MAN1A2: variants seen among roughly 807,000 people sequenced by gnomAD.
The protein encoded by MAN1A2 is mannosidase alpha class 1A member 2, also known as mannosyl-oligosaccharide 1,2-alpha-mannosidase IB.
MAN1A2 carries 26 observed loss-of-function variants against 75.7 expected under a neutral mutation model. The ratio of observed to expected loss-of-function variants is 0.34; its 90% CI spans 0.25 to 0.48. The LOEUF (loss-of-function observed/expected upper bound fraction) is 0.48. Among genes scored for constraint, MAN1A2 ranks in the 20% least tolerant of loss-of-function variants. The probability of loss-of-function intolerance (pLI) is 0.99; values close to 1 mark genes in which losing one functional copy is unlikely to be tolerated. For synonymous variants in MAN1A2, 247 were observed against 264.6 expected, an observed-to-expected ratio of 0.93 and a Z score of 0.65; for missense variants, 562 against 775.5, an observed-to-expected ratio of 0.72 and a Z score of 3.27.
chr1:117,434,108 A>G lies in MAN1A2; in HGVS notation c.856-8123A>G, dbSNP rs529218810. Among the ~76,000 whole-genome samples the G allele has an allele frequency of 4.6e-5, 7 of 152,280 alleles. No individual in the cohort carries two copies. In the South Asian group the frequency reaches 1.5e-3, roughly 32 times the overall value. On this transcript the variant is annotated intron_variant, in intron 5 of 12. Transcript: ENST00000356554. ...GTAAAAGAGATTATCTGAGGGATCT[A>G]TTTACTATTTCCTAAGATTCTCCAG...
intron 8 of MAN1A2, among the ~76,000 whole-genome samples, chr1:117,484,996 C>G (rs796521791): frequency 6.6e-5 from 10 of 151,900 alleles, no homozygotes; most frequent in African/African-American, 2.2e-4. Context: ...TAAGTGGATC[C>G]ACGCAGTTCA....
chr1:117,374,229 C>T (rs554369313), intron 1 of MAN1A2, among the ~76,000 whole-genome samples: 73 of 151,942 alleles, frequency 4.8e-4, no homozygotes, highest in African/African-American at 1.4e-3. Context: ...CCCAGGAGTT[C>T]GAGGGTGTAG....
At chr1:117,522,776 T>C in intron 12 of MAN1A2, 49 bp from the exon 13 acceptor site, 1 of 1,569,114 alleles carries the variant, frequency 6.4e-7, no homozygotes, top group Non-Finnish European at 8.7e-7. Flanking sequence ...TCACTTCATG[T>C]TCTTGTTGAA....
At chr1:117,459,618 C>T (rs1224099372) in intron 6 of MAN1A2, among the ~76,000 whole-genome samples, 1 of 152,102 alleles carries the variant, frequency 6.6e-6, no homozygotes, top group East Asian at 1.9e-4. Context: ...AAAGCCTCTA[C>T]AATTTTTCAT....
chr1:117,422,501 A>G (rs957434774), intron 5 of MAN1A2, among the ~76,000 whole-genome samples: 1 of 152,120 alleles, frequency 6.6e-6, no homozygotes, highest in Non-Finnish European at 1.5e-5. Flanking sequence ...TACTGAGTCA[A>G]AGGTTAAGTG....
chr1:117,487,516 G>A (rs979399774), intron 8 of MAN1A2, among the ~76,000 whole-genome samples: 2 of 151,956 alleles, frequency 1.3e-5, no homozygotes, highest in Non-Finnish European at 2.9e-5. Context: ...TAAAACATAA[G>A]GACAACTAAA....
At chr1:117,506,828 G>A (rs1651390047) in intron 12 of MAN1A2, among the ~76,000 whole-genome samples, 1 of 151,428 alleles carries the variant, frequency 6.6e-6, no homozygotes, top group African/African-American at 2.4e-5. Context: ...TTAAGAATGA[G>A]ATGAGAGCTC....
rs191223798 is a variant in MAN1A2 at position 117,513,778 on chromosome 1, C to T, written c.1794-9047C>T. ...AAACTCAGGTAAATATTGTTGCCTGCAGTTTATTGCCCTAAGTTTGTCTGG... is the reference window on the plus strand; with the variant it reads ...AAACTCAGGTAAATATTGTTGCCTGTAGTTTATTGCCCTAAGTTTGTCTGG... On this transcript the variant is annotated intron_variant, in intron 12 of 12. Transcript: ENST00000356554. Among the ~76,000 whole-genome samples the T allele has an allele frequency of 3.9e-5, 6 of 152,194 alleles. No individual in the cohort carries two copies. The East Asian group carries it at 5.8e-4, about 15-fold the overall frequency.
At chr1:117,496,336 A>G (rs1651035902) in intron 9 of MAN1A2, among the ~76,000 whole-genome samples, 1 of 151,992 alleles carries the variant, frequency 6.6e-6, no homozygotes, top group South Asian at 2.1e-4. Flanking sequence ...TTATACTCTG[A>G]TATACTCAAG....
intron 6 of MAN1A2, among the ~76,000 whole-genome samples, chr1:117,455,610 A>G (rs1272945688): frequency 1.3e-5 from 2 of 152,140 alleles, no homozygotes; most frequent in Non-Finnish European, 2.9e-5. Flanking sequence ...TTGAAAACAT[A>G]TTTAGAAAAA....
chr1:117,459,287 C>T (rs1409773802), intron 6 of MAN1A2, among the ~76,000 whole-genome samples: 1 of 152,008 alleles, frequency 6.6e-6, no homozygotes, highest in Non-Finnish European at 1.5e-5. Context: ...GACAAATTTC[C>T]CTGAAGTCAT....
chr1:117,430,013 C>A (rs868851616), intron 5 of MAN1A2, among the ~76,000 whole-genome samples: 1 of 43,056 alleles, frequency 2.3e-5, no homozygotes, highest in Non-Finnish European at 4.8e-5. Flanking sequence ...CCGGACAGGG[C>A]GGCTGGCCGG....
At chr1:117,508,452 C>CT (rs1280271218) in intron 12 of MAN1A2, among the ~76,000 whole-genome samples, 1 of 151,386 alleles carries the variant, frequency 6.6e-6, no homozygotes, top group Non-Finnish European at 1.5e-5. Context: ...TGCTTGTGTG[C>CT]TTTTTTCCTC....
intron 8 of MAN1A2, among the ~76,000 whole-genome samples, chr1:117,471,655 T>A (rs1650157252): frequency 6.8e-6 from 1 of 148,050 alleles, no homozygotes; most frequent in Non-Finnish European, 1.5e-5. Flanking sequence ...CTTGAGAAGG[T>A]TTTTTTTTTG....
At chr1:117,383,837 C>G (rs1000564697) in intron 1 of MAN1A2, among the ~76,000 whole-genome samples, 30 of 151,916 alleles carry the variant, frequency 2.0e-4, no homozygotes, top group African/African-American at 6.5e-4. Context: ...TGCACTGCAA[C>G]CTTGTACTCC....
Position 117,460,458 on chromosome 1 carries a change from G to T in MAN1A2, c.951-31G>T, listed in dbSNP as rs754282300. On this transcript the variant is annotated intron_variant, in intron 6 of 12. Transcript: ENST00000356554. ...AATGTTTTGGTCTTTTCCCAATCCT[G>T]TGTCTCCTTTTACTTTTCCTTTTCA... The T allele has an allele frequency of 7.1e-6, 11 of 1,559,296 alleles. No individual in the cohort carries two copies. The South Asian group carries it at 1.1e-4, about 15-fold the overall frequency.
intron 4 of MAN1A2, among the ~76,000 whole-genome samples, chr1:117,417,732 T>A (rs932314994): frequency 2.0e-5 from 3 of 149,706 alleles, no homozygotes; most frequent in East Asian, 2.0e-4. Context: ...TCTCTCTCTC[T>A]CATCAAAGTA....
chr1:117,505,958 A>G (rs999015202), intron 12 of MAN1A2, among the ~76,000 whole-genome samples: 1 of 151,508 alleles, frequency 6.6e-6, no homozygotes, highest in Non-Finnish European at 1.5e-5. Flanking sequence ...TGTTTGAAAC[A>G]GTGATCTTAG....
chr1:117,372,423 C>T (rs143201056), intron 1 of MAN1A2, among the ~76,000 whole-genome samples: 5 of 152,252 alleles, frequency 3.3e-5, no homozygotes, highest in Admixed American at 3.3e-4. Flanking sequence ...GTAAGAAATA[C>T]ATACTATATT....
Sources: allele counts gnomAD v4.1 joint callset (sites outside exome capture counted in the v4.1 genomes callset), GRCh38; gene constraint gnomAD v4.1.1; transcripts MANE v1.5; gene names NCBI Gene and HGNC (gene_info 2026-07-23, HGNC 2026-07-21).